Variants in PATJ observed in about 807,000 individuals in gnomAD.
PATJ encodes inaD-like protein.
A neutral mutation model predicts 224.9 loss-of-function variants in PATJ; 190 were observed. That is an observed-to-expected ratio of 0.84 (90% CI 0.75 to 0.95). PATJ has a LOEUF of 0.95. Ranked by LOEUF, PATJ falls within the 40% of genes least tolerant of loss-of-function variation. PATJ has a pLI of 0.00. For missense variants in PATJ, 2,121 were observed against 2,270.3 expected, an observed-to-expected ratio of 0.93 and a Z score of 1.34; for synonymous variants, 769 against 820.3, an observed-to-expected ratio of 0.94 and a Z score of 1.07.
intron 31 of PATJ, among the ~76,000 whole-genome samples, chr1:62,066,789 A>C (rs1656518742): frequency 6.6e-6 from 1 of 152,188 alleles, no homozygotes; most frequent in East Asian, 1.9e-4. Context: ...TGGGGTTTTT[A>C]TGGACAGTTT....
intron 43 of PATJ, among the ~76,000 whole-genome samples, chr1:62,155,590 C>A (rs537848669): frequency 1.4e-3 from 219 of 151,250 alleles, no homozygotes; most frequent in Middle Eastern, 0.01. Context: ...CTTTAGGAAG[C>A]ACCCATAGAA....
chr1:61,927,628 T>C, intron 26 of PATJ, 102 bp from the exon 27 acceptor site: 1 of 677,274 alleles, frequency 1.5e-6, no homozygotes, highest in Non-Finnish European at 2.5e-6. Flanking sequence ...AAGTTGGGTA[T>C]GGTCTAAATA....
At chr1:62,041,717 G>A (rs1217005131) in intron 30 of PATJ, among the ~76,000 whole-genome samples, 1 of 151,990 alleles carries the variant, frequency 6.6e-6, no homozygotes, top group Non-Finnish European at 1.5e-5. Context: ...AAAATAAAAA[G>A]TACAAGCTAG....
intron 14 of PATJ, 83 bp from the exon 15 acceptor site, chr1:61,822,862 C>A: frequency 1.3e-6 from 2 of 1,496,818 alleles, no homozygotes; most frequent in Admixed American, 2.0e-5. Flanking sequence ...TGGGGTTTTT[C>A]ACTTCAAAAT....
intron 20 of PATJ, among the ~76,000 whole-genome samples, chr1:61,868,695 A>G (rs1158333985): frequency 1.3e-5 from 2 of 152,280 alleles, no homozygotes; most frequent in South Asian, 2.1e-4. Flanking sequence ...AGGCTGAGCC[A>G]GGAGAATCGC....
intron 41 of PATJ, among the ~76,000 whole-genome samples, chr1:62,133,775 T>G (rs1666515393): frequency 6.7e-6 from 1 of 148,750 alleles, no homozygotes. Flanking sequence ...GAGACAGAGT[T>G]GCGCTCTGAA....
chr1:61,955,813 T>C (rs1680363749), intron 27 of PATJ, among the ~76,000 whole-genome samples: 1 of 152,226 alleles, frequency 6.6e-6, no homozygotes, highest in African/African-American at 2.4e-5. Flanking sequence ...GTTTTAATTT[T>C]TCGTGTCTTC....
chr1:62,157,157 C>G (rs1232246683), intron 43 of PATJ, among the ~76,000 whole-genome samples: 1 of 151,590 alleles, frequency 6.6e-6, no homozygotes, highest in Admixed American at 6.6e-5. Context: ...AACCCAGTCT[C>G]TACTAAAAAC....
At position 62,153,438 on chromosome 1, in the gene PATJ, C is replaced by G. The variant is rs1185038513; in HGVS notation, c.5459C>G (p.Pro1820Arg). 19 of 1,231,272 alleles carry G rather than the reference C, an allele frequency of 1.5e-5. No homozygotes were observed. Among genetic ancestry groups the G allele is most frequent in the Non-Finnish European group, 1.7e-5 (17 of 987,378 alleles). 76.3% of individuals were successfully genotyped at this position (1,231,272 alleles called of 1,614,324 possible). A position where few individuals can be genotyped will look rare whatever the true frequency, so the allele number is the denominator to read the frequency against. ...AGTATTGTAGGGGGTTATGGAAGTC[C>G]CCATGGAGACCTGCCAATTTATGTC... is the stretch of plus-strand genomic sequence containing the variant. ...GFSIVGGYGS[P>R]HGDLPIYVKT... The change falls in exon 43 of 44, where the codon CCC (proline) becomes CGC (arginine). Residue 1820 changes from proline to arginine, a missense_variant. Physicochemically the swap from Pro to Arg is moderately radical, Grantham distance 103. Transcript: ENST00000642238.
chr1:61,900,155 G>A (rs928059105), intron 23 of PATJ, among the ~76,000 whole-genome samples: 4 of 152,104 alleles, frequency 2.6e-5, no homozygotes, highest in Non-Finnish European at 4.4e-5. Flanking sequence ...TCCTCACCAG[G>A]GCTGCACTTT....
intron 27 of PATJ, among the ~76,000 whole-genome samples, chr1:61,984,164 A>ATTATT (rs1553231368): frequency 7.6e-6 from 1 of 132,108 alleles, no homozygotes; most frequent in Admixed American, 7.9e-5. Flanking sequence ...TATTATTATT[A>ATTATT]TTTTTTTTTT....
intron 41 of PATJ, among the ~76,000 whole-genome samples, chr1:62,130,075 C>T (rs898763191): frequency 1.3e-5 from 2 of 152,166 alleles, no homozygotes; most frequent in Non-Finnish European, 2.9e-5. Context: ...TGGCTCACAC[C>T]TATAGTCCCA....
chr1:62,019,899 T>G (rs559593563), intron 29 of PATJ, among the ~76,000 whole-genome samples: 1 of 152,264 alleles, frequency 6.6e-6, no homozygotes, highest in South Asian at 2.1e-4. Flanking sequence ...CCAGGCGCGG[T>G]GGCTTGCACC....
Position 62,079,222 on chromosome 1 carries a change from C to T in PATJ, c.4126-228C>T, listed in dbSNP as rs77502735. ...GTATCTTCAGCTTTTATCTTTCCTC[C>T]CTTCCTTGATCTGCCCTTCATCAAA... On this transcript the variant is annotated intron_variant, in intron 31 of 43. Transcript: ENST00000642238. 7.1e-4 allele frequency among the ~76,000 whole-genome samples: 108 copies of T among 152,216 alleles called. 4 individuals are homozygous for T. The East Asian group carries it at 0.016, about 23-fold the overall frequency.
At chr1:62,013,298 G>A in intron 28 of PATJ, 1 of 965,224 alleles carries the variant, frequency 1.0e-6, no homozygotes, top group Non-Finnish European at 1.2e-6. Flanking sequence ...TTTCCTACAT[G>A]CTCAAGCGTT....
intron 34 of PATJ, among the ~76,000 whole-genome samples, chr1:62,109,687 T>C (rs1164212475): frequency 6.6e-6 from 1 of 152,244 alleles, no homozygotes; most frequent in Non-Finnish European, 1.5e-5. Context: ...TAATTGGCTT[T>C]TTAAGATGAA....
intron 20 of PATJ, among the ~76,000 whole-genome samples, chr1:61,872,068 A>C (rs990964958): frequency 6.6e-6 from 1 of 152,226 alleles, no homozygotes; most frequent in East Asian, 1.9e-4. Flanking sequence ...CCAGATTTGG[A>C]TATCAATTTT....
chr1:62,118,876 C>A (rs1247105756), intron 37 of PATJ, among the ~76,000 whole-genome samples: 3 of 152,082 alleles, frequency 2.0e-5, no homozygotes, highest in Admixed American at 2.0e-4. Flanking sequence ...AGGTGATCCA[C>A]CCACCTCGGC....
rs578192105 is a variant in PATJ, at chr1:62,132,181, G to A, written c.5271+3236G>A. On this transcript the variant is annotated intron_variant, in intron 41 of 43. Transcript: ENST00000642238. The stretch of plus-strand genomic sequence containing the variant: ...TATTAGTAGCATGGGGATTTGTGGT[G>A]TTTTGGTAGAAGGAAAATGTGAGTT... Among the ~76,000 whole-genome samples, 9 of 152,266 alleles carry A rather than the reference G, an allele frequency of 5.9e-5. No homozygotes were observed. In the East Asian group the frequency reaches 1.7e-3, roughly 29 times the overall value.
Sources: allele counts gnomAD v4.1 joint callset (sites outside exome capture counted in the v4.1 genomes callset), GRCh38; gene constraint gnomAD v4.1.1; transcripts MANE v1.5; gene names NCBI Gene and HGNC (gene_info 2026-07-23, HGNC 2026-07-21).